The following TPD52L3 variants were observed in gnomAD, a reference collection of about 807,000 sequenced individuals.
TPD52L3 encodes TPD52 like 3, also known as tumor protein D55.
Under a neutral mutation model 8.7 loss-of-function variants are expected in TPD52L3, and 12 were observed. That is an observed-to-expected ratio of 1.38 (90% CI 0.89 to 2.24). The LOEUF is 2.24. TPD52L3 is among the 30% of genes most tolerant of loss of function. TPD52L3 has a pLI of 0.00. For synonymous variants in TPD52L3, 79 were observed against 66.8 expected (o/e 1.18, Z -0.89); for missense variants, 207 against 158.7 (o/e 1.30, Z -1.64).
chr9:6,330,062 C>A, intron 1 of TPD52L3: 1 of 1,497,696 alleles, frequency 6.7e-7, no homozygotes, highest in South Asian at 1.5e-5. Flanking sequence ...AAAGATAAAC[C>A]CCTGTCTCAA....
chr9:6,328,787 A>G lies in TPD52L3; in HGVS notation c.192A>G (p.Leu64=), dbSNP rs1818074840. The stretch of plus-strand genomic sequence containing the variant: ...GCTGTGGGGAACTCAAGAGGAAGTT[A>G]GGCCTCACCGCCTTGGTAGGGCTGA... ...ERRCGELKRK[L]GLTALVGLRQ... The change falls in exon 1 of 2, where the codon TTA becomes TTG. Residue 64 remains leucine (L), a synonymous_variant. Coordinates refer to ENST00000314556, the MANE Select transcript of TPD52L3 (RefSeq NM_001001874.3). 2.5e-6 allele frequency: 4 copies of G among 1,614,202 alleles called. No homozygotes were observed. Among genetic ancestry groups the G allele is most frequent in the Non-Finnish European group, 2.5e-6 (3 of 1,180,038 alleles).
At chr9:6,330,729 A>G in intron 1 of TPD52L3, 1 of 1,272,534 alleles carries the variant, frequency 7.9e-7, no homozygotes, top group African/African-American at 1.5e-5. Context: ...GCTGGAGAAC[A>G]AGAGGTGAGC....
chr9:6,330,066 G>A (rs542471907), intron 1 of TPD52L3: 186 of 1,515,216 alleles, frequency 1.2e-4, no homozygotes, highest in Middle Eastern at 5.3e-4. Flanking sequence ...ATAAACCCCT[G>A]TCTCAAGGAA....
intron 1 of TPD52L3, 171 bp downstream of exon 1, chr9:6,329,133 G>C (rs1325592157): frequency 6.7e-7 from 1 of 1,492,828 alleles, no homozygotes; most frequent in South Asian, 1.4e-5. Context: ...TGGAGAGTGA[G>C]GATGACCATC....
At chr9:6,329,982 G>A (rs1266389890) in intron 1 of TPD52L3, 1 of 1,318,636 alleles carries the variant, frequency 7.6e-7, no homozygotes, top group African/African-American at 1.5e-5. Flanking sequence ...TGCCTCTCTG[G>A]CAGCAATTCC....
At chr9:6,330,042 C>A in intron 1 of TPD52L3, 1 of 1,439,864 alleles carries the variant, frequency 6.9e-7, no homozygotes, top group East Asian at 2.5e-5. Context: ...CAGGTATAGC[C>A]AAATTCAAGA....
chr9:6,331,162 C>G lies in TPD52L3; in HGVS notation c.*143C>G. ...GACCCTACTCTGTATCAAGAACTGT[C>G]CCAGGTTCTGAAAGCATAGAATTAG... On this transcript the variant is annotated 3_prime_UTR_variant, in exon 2 of 2. Transcript: ENST00000314556. 4 of 802,322 alleles carry G rather than the reference C, an allele frequency of 5.0e-6. No homozygotes were observed. Among genetic ancestry groups the G allele is most frequent in the Non-Finnish European group, 2.0e-6 (1 of 512,092 alleles). The allele number at this position is 802,322 out of a possible 1,614,324, so 49.7% of individuals were successfully genotyped here. A position where few individuals can be genotyped will look rare whatever the true frequency, so the allele number is the denominator to read the frequency against.
rs762403043 is a variant in TPD52L3 at position 6,329,254 on chromosome 9, C to A, written c.367+292C>A. The A allele has an allele frequency of 3.3e-5, 44 of 1,340,760 alleles. No individual in the cohort carries two copies. In the Middle Eastern group the frequency reaches 1.7e-3, roughly 52 times the overall value. 83.1% of individuals were successfully genotyped at this position (1,340,760 alleles called of 1,614,324 possible). On this transcript the variant is annotated intron_variant, in intron 1 of 1. Transcript: ENST00000314556. ...TGCAACTCTGCCCAACAAAAACAAG[C>A]AAGCAAACCACAATGGTAAAGTGGT...
intron 1 of TPD52L3, chr9:6,329,903 T>G: frequency 7.2e-6 from 9 of 1,249,822 alleles, no homozygotes; most frequent in Non-Finnish European, 9.1e-6. Context: ...TCAAAATGAG[T>G]GTTTTAAAGT....
Position 6,328,782 on chromosome 9 carries a change from A to G in TPD52L3, c.187A>G (p.Lys63Glu). The stretch of plus-strand genomic sequence containing the variant: ...GAGACGCTGTGGGGAACTCAAGAGG[A>G]AGTTAGGCCTCACCGCCTTGGTAGG... ...KERRCGELKR[K>E]LGLTALVGLR... The change falls in exon 1 of 2, where the codon AAG (lysine) becomes GAG (glutamate). Residue 63 changes from lysine (K) to glutamate (E), a missense_variant. Physicochemically the swap from Lys to Glu is moderately conservative, Grantham distance 56 (BLOSUM62 1). Transcript: ENST00000314556. 6.2e-7 allele frequency: 1 copy of G among 1,614,168 alleles called. No individual in the cohort carries two copies. Among genetic ancestry groups the G allele is most frequent in the Middle Eastern group, 1.6e-4 (1 of 6,062 alleles).
Position 6,328,632 on chromosome 9 carries a change from T to G in TPD52L3, c.37T>G (p.Tyr13Asp). Residue 13 changes from tyrosine to aspartate, a missense_variant, in exon 1 of 2, where the codon TAT (tyrosine) becomes GAT (aspartate). Physicochemically the swap from Tyr to Asp is radical, Grantham distance 160. Coordinates refer to ENST00000314556, the MANE Select transcript of TPD52L3 (RefSeq NM_001001874.3). The part of the protein sequence containing the change: ...HARTETSVGT[Y>D]ESHSTSELED... ...CAGGACAGAGACCTCTGTGGGCACATATGAATCCCACTCGACTTCTGAACT... is the reference window on the plus strand; with the variant it reads ...CAGGACAGAGACCTCTGTGGGCACAGATGAATCCCACTCGACTTCTGAACT... 6.2e-7 allele frequency: 1 copy of G among 1,614,042 alleles called. No homozygotes were observed. Among genetic ancestry groups the G allele is most frequent in the Non-Finnish European group, 8.5e-7 (1 of 1,180,020 alleles).
chr9:6,328,997 G>A (rs1294249765), intron 1 of TPD52L3, 35 bp downstream of exon 1: 4 of 1,613,964 alleles, frequency 2.5e-6, no homozygotes, highest in East Asian at 2.2e-5. Flanking sequence ...AAGTCTCAGG[G>A]GGCAAAAGAG....
chr9:6,329,612 C>T, intron 1 of TPD52L3: 1 of 1,001,564 alleles, frequency 1.0e-6, no homozygotes. Flanking sequence ...CCTTCCTTCC[C>T]TCAGTCTCAA....
In TPD52L3 at chr9:6,331,057, G is replaced by A; in HGVS notation, c.*38G>A. ...CAGACATCAAATATGGAATCCAAGA[G>A]ACTATCAACAACATGAACTTGTTCA... On this transcript the variant is annotated 3_prime_UTR_variant, in exon 2 of 2. Coordinates refer to ENST00000314556, the MANE Select transcript of TPD52L3 (RefSeq NM_001001874.3). 2 of 1,588,990 alleles carry A rather than the reference G, an allele frequency of 1.3e-6. No individual in the cohort carries two copies. The highest frequency in any genetic ancestry group is 1.3e-5 in the African/African-American group (1 of 74,156).
In TPD52L3 at chr9:6,328,429, T is replaced by A. The variant is rs1818056615; in HGVS notation, c.-167T>A. On this transcript the variant is annotated 5_prime_UTR_variant, in exon 1 of 2. The change abolishes an upstream ATG in the 5' untranslated region. Coordinates refer to ENST00000314556, the MANE Select transcript of TPD52L3 (RefSeq NM_001001874.3). Reference sequence around the variant, plus strand: ...GGTGTCCATTGTACCAGCTGGGCCATGGATCCCTCCCGCCTGAAATCTGAC... The same window carrying A: ...GGTGTCCATTGTACCAGCTGGGCCAAGGATCCCTCCCGCCTGAAATCTGAC... 1 of 720,728 alleles carries A rather than the reference T, an allele frequency of 1.4e-6. No homozygotes were observed. The highest frequency in any genetic ancestry group is 1.8e-5 in the African/African-American group (1 of 55,520). 44.6% of individuals were successfully genotyped at this position (720,728 alleles called of 1,614,324 possible). A position where few individuals can be genotyped will look rare whatever the true frequency, so the allele number is the denominator to read the frequency against.
chr9:6,330,996 A>T lies in TPD52L3; in HGVS notation c.388A>T (p.Thr130Ser), dbSNP rs775850582. 3.1e-6 allele frequency: 5 copies of T among 1,613,024 alleles called. No homozygotes were observed. Among genetic ancestry groups the T allele is most frequent in the Non-Finnish European group, 4.2e-6 (5 of 1,179,490 alleles). The change falls in exon 2 of 2, where the codon ACG (threonine) becomes TCG (serine). Residue 130 changes from threonine to serine, a missense_variant. Physicochemically the swap from Thr to Ser is moderately conservative, Grantham distance 58. Transcript: ENST00000314556. ...SFEGLIFNKYTLNQGRN is the reference protein window; with the variant it reads ...SFEGLIFNKYSLNQGRN ...CTTAGGATTGATCTTCAATAAATACACGTTAAATCAAGGAAGGAATTAACA... is the reference window on the plus strand; with the variant it reads ...CTTAGGATTGATCTTCAATAAATACTCGTTAAATCAAGGAAGGAATTAACA...
In TPD52L3 at chr9:6,331,817, C is replaced by T. The variant is rs1213331528; in HGVS notation, c.*798C>T. On this transcript the variant is annotated 3_prime_UTR_variant, in exon 2 of 2. Transcript: ENST00000314556. ...CCTGATATTATTGAAGCTGGAGTTG[C>T]ACATTCATTTTGCTTTGGCTTTTTT... 2 of 152,140 alleles carry T rather than the reference C, an allele frequency of 1.3e-5. No homozygotes were observed. Among genetic ancestry groups the T allele is most frequent in the African/African-American group, 4.8e-5 (2 of 41,422 alleles). 9.4% of individuals were successfully genotyped at this position (152,140 alleles called of 1,614,324 possible).
At chr9:6,330,938 T>C in intron 1 of TPD52L3, 38 bp from the exon 2 acceptor site, 2 of 1,609,466 alleles carry the variant, frequency 1.2e-6, no homozygotes, top group Non-Finnish European at 1.7e-6. Context: ...AGTACATATT[T>C]ATTTTTGCTG....
At chr9:6,330,145 T>A in intron 1 of TPD52L3, 4 of 1,613,532 alleles carry the variant, frequency 2.5e-6, no homozygotes, top group Non-Finnish European at 3.4e-6. Flanking sequence ...TAACTATACA[T>A]CTTTGCTCTT....
Sources: allele counts gnomAD v4.1 joint callset, GRCh38; gene constraint gnomAD v4.1.1; transcripts MANE v1.5; gene names NCBI Gene and HGNC (gene_info 2026-07-23, HGNC 2026-07-21).